AGBL1: variants seen among roughly 807,000 people sequenced by gnomAD.
AGBL1 encodes AGBL carboxypeptidase 1.
Under a neutral mutation model 118.9 loss-of-function variants are expected in AGBL1, and 130 were observed. The ratio of observed to expected loss-of-function variants is 1.09; its 90% CI spans 0.95 to 1.26. AGBL1 has a LOEUF of 1.26. Ranked by LOEUF, AGBL1 falls within the 50% of genes most tolerant of loss-of-function variation. The pLI is 0.00. For missense variants in AGBL1, 1,584 were observed against 1,298.1 expected, an observed-to-expected ratio of 1.22 and a Z score of -3.38; for synonymous variants, 555 against 478.9, an observed-to-expected ratio of 1.16 and a Z score of -2.08.
rs551470295 is a variant in AGBL1, at chr15:86,563,057, G to C, written c.2994+8520G>C. Among the ~76,000 whole-genome samples, 495 of 152,088 alleles carry C rather than the reference G, an allele frequency of 3.3e-3. 1 individual carries two copies. The highest frequency in any genetic ancestry group is 9.4e-3 in the Admixed American group (143 of 15,278). Reference sequence around the variant, plus strand: ...CTTTTTTTCTTTATTAGTCTTGCTAGCAGTCTATCAATTTTGTTGATCTTT... The same window carrying C: ...CTTTTTTTCTTTATTAGTCTTGCTACCAGTCTATCAATTTTGTTGATCTTT... On this transcript the variant is annotated intron_variant, in intron 21 of 22. Transcript: ENST00000614907.
rs192159866 is a variant in AGBL1 at position 86,192,298 on chromosome 15, G to A, written c.489-32616G>A. On this transcript the variant is annotated intron_variant, in intron 5 of 22. Coordinates refer to ENST00000614907, the MANE Select transcript of AGBL1 (RefSeq NM_001386094.1). ...TGTATATATAATTTTTACATATAAT[G>A]GAGCATTTTATTATATATTTATATA... Among the ~76,000 whole-genome samples the A allele has an allele frequency of 2.0e-5, 3 of 148,854 alleles. No homozygotes were observed. The East Asian group carries it at 5.9e-4, about 29-fold the overall frequency.
At chr15:86,414,311 C>G (rs961245615) in intron 18 of AGBL1, among the ~76,000 whole-genome samples, 2 of 152,084 alleles carry the variant, frequency 1.3e-5, no homozygotes, top group African/African-American at 2.4e-5. Context: ...TGCACTTGTA[C>G]CCCTTAAATT....
intron 21 of AGBL1, among the ~76,000 whole-genome samples, chr15:86,565,537 C>T (rs2083899912): frequency 6.6e-6 from 1 of 152,214 alleles, no homozygotes; most frequent in African/African-American, 2.4e-5. Context: ...GTCAGTCTGC[C>T]CCTACTGGGG....
chr15:86,238,383 G>A (rs1315206112), intron 6 of AGBL1, among the ~76,000 whole-genome samples: 1 of 152,144 alleles, frequency 6.6e-6, no homozygotes, highest in African/African-American at 2.4e-5. Flanking sequence ...CTTGGGTTTT[G>A]GGTGTGTGAA....
At chr15:86,219,175 T>A (rs1233834559) in intron 5 of AGBL1, among the ~76,000 whole-genome samples, 1 of 152,180 alleles carries the variant, frequency 6.6e-6, no homozygotes, top group Admixed American at 6.5e-5. Flanking sequence ...TGGTGAATGA[T>A]GACCCTGCAG....
chr15:86,565,492 G>A (rs554408060), intron 21 of AGBL1, among the ~76,000 whole-genome samples: 34 of 152,336 alleles, frequency 2.2e-4, no homozygotes, highest in Non-Finnish European at 4.4e-4. Flanking sequence ...TCCTCTGGAA[G>A]CTTTGTCTCA....
At chr15:86,092,515 T>C (rs1444291) in intron 1 of AGBL1, among the ~76,000 whole-genome samples, 32,240 of 152,060 alleles carry the variant, frequency 0.21, 4,150 homozygotes, top group East Asian at 0.42. Flanking sequence ...GTTCTAATGA[T>C]AAAATGAGCT....
rs1248257820 is a variant in AGBL1 at position 86,600,482 on chromosome 15, T to C, written c.2994+45945T>C. Among the ~76,000 whole-genome samples, 9 of 152,278 alleles carry C rather than the reference T, an allele frequency of 5.9e-5. No homozygotes were observed. The East Asian group carries it at 1.5e-3, about 26-fold the overall frequency. On this transcript the variant is annotated intron_variant, in intron 21 of 22. Coordinates refer to ENST00000614907, the MANE Select transcript of AGBL1 (RefSeq NM_001386094.1). ...GGATGTGGTTTTCTGATAACTGCCA[T>C]GTGGCAACCTACCTGTCAAGCCACC... is the stretch of plus-strand genomic sequence containing the variant.
intron 22 of AGBL1, among the ~76,000 whole-genome samples, chr15:86,878,081 G>A (rs905159725): frequency 1.3e-5 from 2 of 152,158 alleles, no homozygotes; most frequent in African/African-American, 4.8e-5. Context: ...TTTCCACATG[G>A]AGTTTAGTAG....
intron 1 of AGBL1, among the ~76,000 whole-genome samples, chr15:86,095,787 T>C (rs117197511): frequency 0.015 from 2,252 of 151,780 alleles, 33 homozygotes; most frequent in South Asian, 0.074. Context: ...GAGGAACATG[T>C]CCAGCATCCA....
At chr15:86,698,106 C>T (rs8031022) in intron 22 of AGBL1, among the ~76,000 whole-genome samples, 75,969 of 151,660 alleles carry the variant, frequency 0.5, 19,951 homozygotes, top group East Asian at 0.75. Context: ...GCCTCCTATC[C>T]GCCATTTTTT....
chr15:86,954,229 C>CAGTT (rs1187931427), intron 23 of AGBL1, among the ~76,000 whole-genome samples: 1 of 152,130 alleles, frequency 6.6e-6, no homozygotes, highest in African/African-American at 2.4e-5. Context: ...CTATAGAAAG[C>CAGTT]AGTTGGGAGA....
chr15:86,128,124 C>G (rs28649463), intron 1 of AGBL1, among the ~76,000 whole-genome samples: 20,433 of 152,066 alleles, frequency 0.13, 1,511 homozygotes, highest in Middle Eastern at 0.22. Flanking sequence ...TCTCATGCTG[C>G]TAATAAAGAC....
At chr15:86,525,445 G>T (rs908266452) in intron 19 of AGBL1, among the ~76,000 whole-genome samples, 1 of 151,830 alleles carries the variant, frequency 6.6e-6, no homozygotes, top group Non-Finnish European at 1.5e-5. Context: ...TTAGCAAAAA[G>T]AATAATCTGA....
chr15:87,026,491 A>G (rs191110458), intron 24 of AGBL1, among the ~76,000 whole-genome samples: 445 of 152,190 alleles, frequency 2.9e-3, no homozygotes, highest in Non-Finnish European at 5.1e-3. Context: ...AAAATCAAAA[A>G]AATAGTAGAC....
chr15:86,298,390 A>G (rs948694904), intron 17 of AGBL1, among the ~76,000 whole-genome samples: 3 of 143,424 alleles, frequency 2.1e-5, no homozygotes, highest in Non-Finnish European at 4.6e-5. Context: ...TTATATATAT[A>G]TGAATATATA....
intron 21 of AGBL1, among the ~76,000 whole-genome samples, chr15:86,573,369 G>T (rs552131846): frequency 2.1e-3 from 317 of 152,320 alleles, no homozygotes; most frequent in Non-Finnish European, 3.6e-3. Context: ...AGATAATTAA[G>T]TAAGCAATAA....
At chr15:86,513,893 T>C (rs11853362) in intron 18 of AGBL1, among the ~76,000 whole-genome samples, 92,370 of 151,882 alleles carry the variant, frequency 0.61, 28,497 homozygotes, top group East Asian at 0.78. Flanking sequence ...TCAACATGTC[T>C]CCATTATTTA....
In AGBL1 at chr15:86,143,795, A is replaced by T. The variant is rs1042640504; in HGVS notation, c.212A>T (p.Tyr71Phe). Residue 71 changes from tyrosine (Y) to phenylalanine (F), a missense_variant, in exon 3 of 23, where the codon TAT becomes TTT. Transcript: ENST00000614907. ...VDTARTAPPDYDILLPLFRLL... is the reference protein window; with the variant it reads ...VDTARTAPPDFDILLPLFRLL... ...ACAGCGAGGACAGCTCCTCCAGACT[A>T]TGACATCCTCCTGCCTCTCTTCCGG... The T allele has an allele frequency of 9.9e-6, 16 of 1,613,750 alleles. No individual in the cohort carries two copies. Among genetic ancestry groups the T allele is most frequent in the Non-Finnish European group, 1.4e-5 (16 of 1,179,810 alleles).
Sources: allele counts gnomAD v4.1 joint callset (sites outside exome capture counted in the v4.1 genomes callset), GRCh38; gene constraint gnomAD v4.1.1; transcripts MANE v1.5; gene names NCBI Gene and HGNC (gene_info 2026-07-23, HGNC 2026-07-21).